NOS1AP: variants seen among roughly 807,000 people sequenced by gnomAD.
The protein encoded by NOS1AP is carboxyl-terminal PDZ ligand of neuronal nitric oxide synthase protein.
In NOS1AP, 21 loss-of-function variants were observed where a neutral mutation model predicts 56.2. The observed-to-expected ratio is 0.37, with a 90% CI of 0.26 to 0.54. The LOEUF is 0.54. NOS1AP is among the 20% of genes least tolerant of loss of function. The probability of loss-of-function intolerance (pLI) is 0.84; values close to 1 mark genes in which losing one functional copy is unlikely to be tolerated. For synonymous variants in NOS1AP, 270 were observed against 274.6 expected (o/e 0.98, Z 0.17); for missense variants, 522 against 657.8 (o/e 0.79, Z 2.26).
chr1:162,365,075 T>C (rs902073698), intron 8 of NOS1AP: 41 of 1,242,796 alleles, frequency 3.3e-5, no homozygotes, highest in Non-Finnish European at 4.1e-5. Context: ...TGTGTGTATA[T>C]GTGCACGTGT....
At chr1:162,238,229 A>G (rs544569390) in intron 2 of NOS1AP, among the ~76,000 whole-genome samples, 36 of 152,206 alleles carry the variant, frequency 2.4e-4, no homozygotes, top group African/African-American at 8.4e-4. Context: ...GGACGTATGA[A>G]TAAGAGAAAG....
chr1:162,349,710 G>A (rs1225484113), intron 6 of NOS1AP, among the ~76,000 whole-genome samples: 3 of 152,210 alleles, frequency 2.0e-5, no homozygotes, highest in Non-Finnish European at 4.4e-5. Flanking sequence ...GTTTTCCAAT[G>A]CAGACTCCAG....
Position 162,367,279 on chromosome 1 carries a change from G to A in NOS1AP, c.1333G>A (p.Gly445Ser), listed in dbSNP as rs1557896480. The change falls in exon 10 of 10, where the codon GGC (glycine) becomes AGC (serine). Residue 445 changes from glycine to serine, a missense_variant. By Grantham distance (56) the Gly-to-Ser change is moderately conservative (BLOSUM62 0). This residue lies in a region of NOS1AP where 160 missense variants were observed against 180.3 expected (regional missense o/e 0.89). Transcript: ENST00000361897. This position sits in a 1 kb window ranked among gnomAD's most constrained non-coding sequence, Gnocchi z 6.5. ...CGAGGACACCCCGCCCCCAGCGCAG[G>A]GCGAGGCGCTCCTGGGCGGTCTGGA... Reference protein sequence around the residue: ...PPEDTPPPAQGEALLGGLELI... With the variant: ...PPEDTPPPAQSEALLGGLELI... The A allele has an allele frequency of 3.7e-6, 6 of 1,613,606 alleles. No homozygotes were observed. The highest frequency in any genetic ancestry group is 5.1e-6 in the Non-Finnish European group (6 of 1,179,942).
intron 7 of NOS1AP, among the ~76,000 whole-genome samples, chr1:162,355,679 G>C (rs1020707267): frequency 2.2e-5 from 2 of 89,390 alleles, no homozygotes; most frequent in Non-Finnish European, 5.3e-5. Flanking sequence ...GGCTCACTCT[G>C]GCACACACAC....
intron 4 of NOS1AP, among the ~76,000 whole-genome samples, chr1:162,316,460 A>C (rs1351968600): frequency 6.6e-6 from 1 of 152,184 alleles, no homozygotes; most frequent in Admixed American, 6.5e-5. Flanking sequence ...CTGTCCAGCT[A>C]CTGCTGTGCA....
chr1:162,343,719 C>T, intron 5 of NOS1AP, 116 bp from the exon 6 acceptor site: 1 of 1,142,488 alleles, frequency 8.8e-7, no homozygotes, highest in South Asian at 1.2e-5. Flanking sequence ...TTTGTATGTG[C>T]ATATCTGAAC....
chr1:162,262,311 G>C (rs893777009), intron 2 of NOS1AP, among the ~76,000 whole-genome samples: 1 of 152,160 alleles, frequency 6.6e-6, no homozygotes, highest in Non-Finnish European at 1.5e-5. Flanking sequence ...TGTATTTTCG[G>C]TGTGATTCCA....
chr1:162,243,451 G>A lies in NOS1AP; in HGVS notation c.178-43893G>A, dbSNP rs557282650. ...TGGAAGAAAAAAAACAAGGAAGAGA[G>A]ATGATGGTGATTAGTAATGTGTTTC... is the stretch of plus-strand genomic sequence containing the variant. On this transcript the variant is annotated intron_variant, in intron 2 of 9. Transcript: ENST00000361897. 2.6e-5 allele frequency among the ~76,000 whole-genome samples: 4 copies of A among 152,292 alleles called. No individual in the cohort carries two copies. In the East Asian group the frequency reaches 7.7e-4, roughly 29 times the overall value.
At chr1:162,159,959 G>A (rs1228642470) in intron 2 of NOS1AP, among the ~76,000 whole-genome samples, 1 of 152,122 alleles carries the variant, frequency 6.6e-6, no homozygotes, top group Non-Finnish European at 1.5e-5. Flanking sequence ...CTGTTGCTGT[G>A]GGAACTGGGG....
intron 2 of NOS1AP, among the ~76,000 whole-genome samples, chr1:162,211,190 C>T (rs939917449): frequency 4.6e-5 from 7 of 152,202 alleles, no homozygotes; most frequent in Non-Finnish European, 8.8e-5. Flanking sequence ...GCTGCCATAA[C>T]AAAATATCAC....
intron 1 of NOS1AP, among the ~76,000 whole-genome samples, chr1:162,087,474 G>A (rs182824693): frequency 1.4e-3 from 213 of 152,268 alleles, no homozygotes; most frequent in Middle Eastern, 6.8e-3. Context: ...TGTGGCCTGG[G>A]AGAGTTCAGG....
At chr1:162,220,157 C>T (rs1429407288) in intron 2 of NOS1AP, among the ~76,000 whole-genome samples, 1 of 152,176 alleles carries the variant, frequency 6.6e-6, no homozygotes, top group African/African-American at 2.4e-5. Flanking sequence ...GCCTCGAGCT[C>T]CTGGCCTCAA....
intron 2 of NOS1AP, among the ~76,000 whole-genome samples, chr1:162,262,975 A>G (rs1299303668): frequency 6.6e-6 from 1 of 152,194 alleles, no homozygotes; most frequent in Admixed American, 6.5e-5. Context: ...TGCCAGAATA[A>G]TTCTTCTTAA....
chr1:162,287,412 A>C lies in NOS1AP; in HGVS notation c.246A>C (p.Lys82Asn). The change falls in exon 3 of 10, where the codon AAA (lysine) becomes AAC (asparagine). Residue 82 changes from lysine (K) to asparagine (N), a missense_variant. Coordinates refer to ENST00000361897, the MANE Select transcript of NOS1AP (RefSeq NM_014697.3). ...TTATGGTTTCAGTGGATGGAGTGAA[A>C]GTGATTCTGAAGAAGAAGAAAAAGG... Reference protein sequence around the residue: ...VSIMVSVDGVKVILKKKKKLL... With the variant: ...VSIMVSVDGVNVILKKKKKLL... 5 of 1,612,960 alleles carry C rather than the reference A, an allele frequency of 3.1e-6. No homozygotes were observed. Among genetic ancestry groups the C allele is most frequent in the Non-Finnish European group, 4.2e-6 (5 of 1,178,926 alleles).
chr1:162,151,447 G>A (rs1461211287), intron 1 of NOS1AP, among the ~76,000 whole-genome samples: 3 of 152,332 alleles, frequency 2.0e-5, no homozygotes, highest in South Asian at 4.1e-4. Flanking sequence ...GTCAGGTAAT[G>A]TGATTCCTTC....
At chr1:162,118,295 A>G (rs751750640) in intron 1 of NOS1AP, among the ~76,000 whole-genome samples, 2 of 152,062 alleles carry the variant, frequency 1.3e-5, no homozygotes, top group Non-Finnish European at 2.9e-5. Context: ...TGTCGTTCCC[A>G]TATGCACGTT....
Position 162,357,008 on chromosome 1 carries a change from C to T in NOS1AP, c.811C>T (p.Leu271Phe). 2 of 1,614,080 alleles carry T rather than the reference C, an allele frequency of 1.2e-6. No individual in the cohort carries two copies. The highest frequency in any genetic ancestry group is 1.1e-5 in the South Asian group (1 of 91,084). Residue 271 changes from leucine to phenylalanine, a missense_variant, in exon 8 of 10, where the codon CTC becomes TTC. Coordinates refer to ENST00000361897, the MANE Select transcript of NOS1AP (RefSeq NM_014697.3). ...PMLTASPRML[L>F]PSSSSKPPGL... ...GCTGACAGCCTCACCCAGGATGCTG[C>T]TCCCTTCTTCTTCCTCGAAGCCTCC...
chr1:162,070,278 C>T lies in NOS1AP; in HGVS notation c.101C>T (p.Ala34Val), dbSNP rs1411966946. ...TTCCAGCACGGCATCTGCTTTGAGG[C>T]CAAGGTGAGGGGGCTCCGGGGAGGG... The part of the protein sequence containing the change: ...DAFQHGICFE[A>V]KYVGSLDVPR... Residue 34 changes from alanine to valine, a missense_variant, in exon 1 of 10, where the codon GCC becomes GTC. Physicochemically the swap from Ala to Val is moderately conservative, Grantham distance 64 (BLOSUM62 0). Around this residue, in one of 4 missense-constraint regions of NOS1AP, gnomAD observed 132 missense variants for 218.1 expected, o/e 0.61. Transcript: ENST00000361897. The T allele has an allele frequency of 1.2e-6, 2 of 1,612,564 alleles. No individual in the cohort carries two copies. The highest frequency in any genetic ancestry group is 1.7e-5 in the Admixed American group (1 of 59,930).
At position 162,334,772 on chromosome 1, in the gene NOS1AP, C is replaced by T. The variant is rs188860387; in HGVS notation, c.453+1647C>T. On this transcript the variant is annotated intron_variant, in intron 5 of 9. Coordinates refer to ENST00000361897, the MANE Select transcript of NOS1AP (RefSeq NM_014697.3). ...TTAATCTTATTTTATCCTTATAACACGTCTGTAAAGAAGGTAAGACATGTA... is the reference window on the plus strand; with the variant it reads ...TTAATCTTATTTTATCCTTATAACATGTCTGTAAAGAAGGTAAGACATGTA... 1.1e-3 allele frequency among the ~76,000 whole-genome samples: 170 copies of T among 152,316 alleles called. 1 individual carries two copies. Among genetic ancestry groups the T allele is most frequent in the African/African-American group, 3.7e-3 (152 of 41,566 alleles).
Sources: gnomAD v4.1 joint callset for allele counts (sites outside exome capture counted in the v4.1 genomes callset) on GRCh38, gnomAD v4.1.1 for gene constraint, gnomAD v4.1.1 regional missense constraint, Gnocchi (gnomAD v3.1) non-coding constraint, MANE v1.5 for transcripts, NCBI Gene and HGNC (gene_info 2026-07-23, HGNC 2026-07-21) for gene names.